The following FIGN variants were observed in gnomAD, a reference collection of about 807,000 sequenced individuals.
FIGN encodes the protein fidgetin, microtubule severing factor.
A neutral mutation model predicts 51.3 loss-of-function variants in FIGN; 11 were observed. The observed-to-expected ratio is 0.21, with a 90% CI of 0.13 to 0.35. The LOEUF is 0.35. Among genes scored for constraint, FIGN ranks in the 10% least tolerant of loss-of-function variants. The pLI is 1.00. For missense variants in FIGN, 857 were observed against 943.6 expected (o/e 0.91, Z 1.20); for synonymous variants, 407 against 363.2 (o/e 1.12, Z -1.37).
At chr2:163,657,894 T>C (rs1044952555) in intron 2 of FIGN, among the ~76,000 whole-genome samples, 4 of 152,140 alleles carry the variant, frequency 2.6e-5, no homozygotes, top group African/African-American at 9.7e-5. Flanking sequence ...GTGCAAATTG[T>C]AGTTAGAGCT....
At chr2:163,705,047 T>A (rs570625954) in intron 2 of FIGN, among the ~76,000 whole-genome samples, 2 of 152,256 alleles carry the variant, frequency 1.3e-5, no homozygotes, top group South Asian at 4.1e-4. Flanking sequence ...TATGGTGAAT[T>A]CTGTGACAAC....
intron 2 of FIGN, among the ~76,000 whole-genome samples, chr2:163,683,277 T>G (rs966998412): frequency 6.6e-6 from 1 of 152,238 alleles, no homozygotes; most frequent in Admixed American, 6.5e-5. Flanking sequence ...GAAGATTAGT[T>G]TTGTAAATAG....
In FIGN at chr2:163,610,065, C is replaced by T. The variant is rs760175528; in HGVS notation, c.1767G>A (p.Met589Ile). 8.1e-6 allele frequency: 13 copies of T among 1,613,958 alleles called. No homozygotes were observed. The highest frequency in any genetic ancestry group is 1.0e-5 in the Non-Finnish European group (12 of 1,179,904). The change falls in exon 3 of 3, where the codon ATG becomes ATA. Residue 589 changes from methionine (M) to isoleucine (I), a missense_variant. Met to Ile is a conservative substitution (Grantham distance 10). This residue lies in a region of FIGN where 799 missense variants were observed against 849.5 expected (regional missense o/e 0.94). Transcript: ENST00000333129. Reference protein sequence around the residue: ...PSVIFVSDIDMLLSSQVNEEH... With the variant: ...PSVIFVSDIDILLSSQVNEEH... ...CCTCATTCACTTGAGAGGAGAGAAG[C>T]ATGTCAATGTCACTAACAAAAATCA...
chr2:163,660,859 A>G (rs1409966425), intron 2 of FIGN, among the ~76,000 whole-genome samples: 3 of 21,144 alleles, frequency 1.4e-4, no homozygotes, highest in Non-Finnish European at 2.3e-4. Context: ...ATATGTATAC[A>G]TATATATATA....
chr2:163,724,521 A>G (rs1345620200), intron 2 of FIGN, among the ~76,000 whole-genome samples: 1 of 151,830 alleles, frequency 6.6e-6, no homozygotes, highest in Admixed American at 6.6e-5. Context: ...TTATTTATTT[A>G]TTTATTTTGC....
At chr2:163,644,104 T>C (rs951334960) in intron 2 of FIGN, among the ~76,000 whole-genome samples, 1 of 151,956 alleles carries the variant, frequency 6.6e-6, no homozygotes, top group African/African-American at 2.4e-5. Flanking sequence ...AATTAGACTT[T>C]ACTGAAATTA....
chr2:163,720,264 G>A (rs1441297939), intron 2 of FIGN, among the ~76,000 whole-genome samples: 1 of 152,108 alleles, frequency 6.6e-6, no homozygotes, highest in African/African-American at 2.4e-5. Context: ...GATTTCACTT[G>A]TACAAAATCT....
chr2:163,734,788 G>A (rs950713480), intron 2 of FIGN, 115 bp downstream of exon 2: 3 of 894,464 alleles, frequency 3.4e-6, no homozygotes, highest in Non-Finnish European at 5.0e-6. Flanking sequence ...TTTAAAAAAA[G>A]GAATTCTATA....
intron 2 of FIGN, among the ~76,000 whole-genome samples, chr2:163,674,931 T>C (rs1290321033): frequency 6.6e-6 from 1 of 152,190 alleles, no homozygotes; most frequent in East Asian, 1.9e-4. Context: ...AGGTGGAACT[T>C]GAACCTTTGA....
chr2:163,691,501 A>G (rs1011792219), intron 2 of FIGN, among the ~76,000 whole-genome samples: 4 of 152,068 alleles, frequency 2.6e-5, no homozygotes, highest in Admixed American at 6.6e-5. Context: ...AAGGATGGAC[A>G]TTTTCATACT....
chr2:163,676,466 T>TATATATATCTAGAGTCTGTGCTCTAGATA (rs1559017795), intron 2 of FIGN, among the ~76,000 whole-genome samples: 9 of 106,918 alleles, frequency 8.4e-5, no homozygotes, highest in African/African-American at 2.7e-4. Context: ...TATATATATA[T>TATATATATCTAGAGTCTGTGCTCTAGATA]ATATATATAT....
At chr2:163,726,121 T>C (rs991780879) in intron 2 of FIGN, among the ~76,000 whole-genome samples, 7 of 152,224 alleles carry the variant, frequency 4.6e-5, no homozygotes, top group African/African-American at 1.7e-4. Context: ...GCACTGTTCA[T>C]ATAGGCATGT....
intron 2 of FIGN, among the ~76,000 whole-genome samples, chr2:163,733,561 A>G (rs1332028099): frequency 6.6e-6 from 1 of 152,116 alleles, no homozygotes. Flanking sequence ...GCTCCGGGGG[A>G]AAAAAAGCTG....
chr2:163,671,062 A>G (rs1469141407), intron 2 of FIGN, among the ~76,000 whole-genome samples: 1 of 152,180 alleles, frequency 6.6e-6, no homozygotes, highest in African/African-American at 2.4e-5. Context: ...CCCATTATCT[A>G]TCCAGCTGGC....
rs1260348292 is a variant in FIGN at position 163,608,869 on chromosome 2, G to A, written c.*683C>T. On this transcript the variant is annotated 3_prime_UTR_variant, in exon 3 of 3. Transcript: ENST00000333129. ...GAAGCCTATCCTATTACTCTCAGCA[G>A]TACATAGTGCTTTCAACACATTCCT... 6.6e-6 allele frequency: 1 copy of A among 152,600 alleles called. No individual in the cohort carries two copies. Among genetic ancestry groups the A allele is most frequent in the Non-Finnish European group, 1.5e-5 (1 of 68,046 alleles). 9.5% of individuals were successfully genotyped at this position (152,600 alleles called of 1,614,324 possible). A position where few individuals can be genotyped will look rare whatever the true frequency, so the allele number is the denominator to read the frequency against.
At chr2:163,722,396 A>G (rs1453481772) in intron 2 of FIGN, among the ~76,000 whole-genome samples, 1 of 152,198 alleles carries the variant, frequency 6.6e-6, no homozygotes, top group Non-Finnish European at 1.5e-5. Flanking sequence ...GAAATGCCTT[A>G]GGAGGTACTT....
At chr2:163,698,920 AG>A (rs1459341326) in intron 2 of FIGN, among the ~76,000 whole-genome samples, 1 of 152,182 alleles carries the variant, frequency 6.6e-6, no homozygotes, top group Non-Finnish European at 1.5e-5. Context: ...TTAACAGAGA[AG>A]AAACAAAATA....
At chr2:163,640,287 T>C (rs1683288140) in intron 2 of FIGN, among the ~76,000 whole-genome samples, 1 of 152,182 alleles carries the variant, frequency 6.6e-6, no homozygotes, top group East Asian at 1.9e-4. Context: ...ATTTTCATGT[T>C]TATGTAACAA....
chr2:163,610,789 A>G lies in FIGN; in HGVS notation c.1043T>C (p.Met348Thr). The change falls in exon 3 of 3, where the codon ATG becomes ACG. Residue 348 changes from methionine to threonine, a missense_variant. Coordinates refer to ENST00000333129, the MANE Select transcript of FIGN (RefSeq NM_018086.4). ...YGQQRSTQSP[M>T]YRMPDNSISN... ...AATGCTGTTGTCGGGCATTCTGTAC[A>G]TAGGACTCTGTGTAGATCTCTGTTG... is the stretch of plus-strand genomic sequence containing the variant. The G allele has an allele frequency of 1.2e-6, 2 of 1,614,148 alleles. No homozygotes were observed. The highest frequency in any genetic ancestry group is 1.7e-6 in the Non-Finnish European group (2 of 1,180,030).
Sources: allele counts gnomAD v4.1 joint callset (sites outside exome capture counted in the v4.1 genomes callset), GRCh38; gene constraint gnomAD v4.1.1; regional missense constraint gnomAD v4.1.1; transcripts MANE v1.5; gene names NCBI Gene and HGNC (gene_info 2026-07-23, HGNC 2026-07-21).